The following ALMS1 variants were observed in gnomAD, a reference collection of about 807,000 sequenced individuals.
ALMS1 encodes centrosome-associated protein ALMS1.
A neutral mutation model predicts 352.2 loss-of-function variants in ALMS1; 271 were observed. That is an observed-to-expected ratio of 0.77 (90% CI 0.70 to 0.85). The LOEUF (loss-of-function observed/expected upper bound fraction) is 0.85, where lower values mean the gene tolerates loss of function less well. ALMS1 is among the 40% of genes least tolerant of loss of function. ALMS1 has a pLI of 0.00. For missense variants in ALMS1, 5,445 were observed against 4,870.7 expected (o/e 1.12, Z -3.51); for synonymous variants, 1,865 against 1,761.2 (o/e 1.06, Z -1.48).
chr2:73,499,449 C>T (rs78276418), intron 10 of ALMS1, among the ~76,000 whole-genome samples: 2,149 of 152,150 alleles, frequency 0.014, 61 homozygotes, highest in African/African-American at 0.048. Flanking sequence ...TAAAGATTTT[C>T]CCTCATGTTT....
intron 12 of ALMS1, among the ~76,000 whole-genome samples, chr2:73,545,412 C>T (rs1320487142): frequency 6.6e-6 from 1 of 152,082 alleles, no homozygotes; most frequent in African/African-American, 2.4e-5. Context: ...AACTCCTGAC[C>T]TCAAGTGATC....
chr2:73,419,429 T>A, intron 3 of ALMS1, 111 bp downstream of exon 3: 2 of 956,882 alleles, frequency 2.1e-6, no homozygotes, highest in Non-Finnish European at 3.3e-6. Context: ...TGTAGAGACC[T>A]ACTCAGAGGG....
chr2:73,523,513 T>TC (rs1395857653), intron 11 of ALMS1, among the ~76,000 whole-genome samples: 3 of 152,102 alleles, frequency 2.0e-5, no homozygotes, highest in Admixed American at 1.3e-4. Context: ...ACACCTATAA[T>TC]CCCAGCACTT....
intron 16 of ALMS1, among the ~76,000 whole-genome samples, chr2:73,599,047 A>T (rs1429222525): frequency 6.6e-6 from 1 of 152,152 alleles, no homozygotes; most frequent in Non-Finnish European, 1.5e-5. Flanking sequence ...AGCTATCTCC[A>T]GGCCTCTTTA....
intron 7 of ALMS1, among the ~76,000 whole-genome samples, chr2:73,444,782 T>C (rs1210588477): frequency 2.0e-5 from 3 of 152,298 alleles, no homozygotes; most frequent in South Asian, 2.1e-4. Flanking sequence ...AAAATCCTGT[T>C]TGAACTGTGA....
intron 11 of ALMS1, among the ~76,000 whole-genome samples, chr2:73,523,516 C>T (rs1195919391): frequency 6.6e-6 from 1 of 152,140 alleles, no homozygotes; most frequent in Non-Finnish European, 1.5e-5. Context: ...CCTATAATCC[C>T]AGCACTTTGG....
At chr2:73,397,175 G>A (rs184099500) in intron 1 of ALMS1, among the ~76,000 whole-genome samples, 21 of 152,146 alleles carry the variant, frequency 1.4e-4, no homozygotes, top group African/African-American at 4.3e-4. Context: ...CAAAGTTGTC[G>A]CATTGCACCT....
Position 73,391,285 on chromosome 2 carries a change from C to T in ALMS1, c.324+5093C>T, listed in dbSNP as rs558021334. On this transcript the variant is annotated intron_variant, in intron 1 of 22. Coordinates refer to ENST00000613296, the MANE Select transcript of ALMS1 (RefSeq NM_001378454.1). ...TTTATTTTTTTAACCTATTCATATA[C>T]GTTTTATTCTTTTTTTTTTTTTTTT... 1.2e-4 allele frequency among the ~76,000 whole-genome samples: 16 copies of T among 133,802 alleles called. No individual in the cohort carries two copies. In the South Asian group the frequency reaches 3.0e-3, roughly 25 times the overall value. The allele number at this position is 133,802 out of a possible 152,430, so 87.8% of individuals were successfully genotyped here. A position where few individuals can be genotyped will look rare whatever the true frequency, so the allele number is the denominator to read the frequency against.
At chr2:73,487,917 G>T (rs1033141683) in intron 9 of ALMS1, among the ~76,000 whole-genome samples, 1 of 152,190 alleles carries the variant, frequency 6.6e-6, no homozygotes, top group African/African-American at 2.4e-5. Context: ...GGAGTGGCTA[G>T]CTCCTATCTG....
At chr2:73,590,163 C>T (rs188379984) in intron 16 of ALMS1, among the ~76,000 whole-genome samples, 1 of 151,754 alleles carries the variant, frequency 6.6e-6, no homozygotes, top group African/African-American at 2.4e-5. Context: ...AGAATACATT[C>T]GTTTGTTCAT....
intron 1 of ALMS1, among the ~76,000 whole-genome samples, chr2:73,407,045 A>C (rs1378395307): frequency 6.6e-6 from 1 of 152,216 alleles, no homozygotes; most frequent in Non-Finnish European, 1.5e-5. Context: ...AATACTTGAA[A>C]CTGGGTAGTT....
intron 9 of ALMS1, among the ~76,000 whole-genome samples, chr2:73,474,694 T>C (rs1051688191): frequency 7.2e-5 from 11 of 152,106 alleles, no homozygotes; most frequent in African/African-American, 1.9e-4. Context: ...AAAACTCATG[T>C]AGATCTTTTG....
chr2:73,430,966 G>A (rs970087790), intron 6 of ALMS1, among the ~76,000 whole-genome samples: 20 of 152,064 alleles, frequency 1.3e-4, no homozygotes, highest in African/African-American at 4.3e-4. Flanking sequence ...GAAGTTTCCT[G>A]TAGGAGTGAG....
chr2:73,390,040 A>G (rs1017850387), intron 1 of ALMS1, among the ~76,000 whole-genome samples: 2 of 152,186 alleles, frequency 1.3e-5, no homozygotes, highest in Non-Finnish European at 2.9e-5. Flanking sequence ...GAGAGCCCAG[A>G]GTATTTTTTC....
At chr2:73,498,289 G>C (rs1375703794) in intron 10 of ALMS1, among the ~76,000 whole-genome samples, 1 of 151,560 alleles carries the variant, frequency 6.6e-6, no homozygotes, top group African/African-American at 2.4e-5. Context: ...ATTTTCATTG[G>C]TACATAGTAG....
At chr2:73,556,728 A>T (rs1238031218) in intron 13 of ALMS1, among the ~76,000 whole-genome samples, 1 of 151,318 alleles carries the variant, frequency 6.6e-6, no homozygotes, top group Admixed American at 6.6e-5. Flanking sequence ...TTTTTGAGAC[A>T]GAGTCTCACT....
At chr2:73,429,886 T>C (rs971798046) in intron 6 of ALMS1, among the ~76,000 whole-genome samples, 1 of 152,176 alleles carries the variant, frequency 6.6e-6, no homozygotes, top group Admixed American at 6.5e-5. Flanking sequence ...TGAAAGGTAT[T>C]AGTATTTTTC....
intron 9 of ALMS1, among the ~76,000 whole-genome samples, chr2:73,478,108 G>A (rs1672619178): frequency 6.6e-6 from 1 of 152,070 alleles, no homozygotes; most frequent in African/African-American, 2.4e-5. Context: ...GTCTTTCATA[G>A]GTACTCTTCA....
chr2:73,400,913 A>G (rs932062813), intron 1 of ALMS1, among the ~76,000 whole-genome samples: 1 of 152,058 alleles, frequency 6.6e-6, no homozygotes, highest in African/African-American at 2.4e-5. Flanking sequence ...CAGCCACCTG[A>G]GTAGCTGGGA....
Sources: gnomAD v4.1 joint callset for allele counts (sites outside exome capture counted in the v4.1 genomes callset) on GRCh38, gnomAD v4.1.1 for gene constraint, MANE v1.5 for transcripts, NCBI Gene and HGNC (gene_info 2026-07-23, HGNC 2026-07-21) for gene names.